Variants in TNRC6B observed in about 807,000 individuals in gnomAD.
TNRC6B encodes the protein trinucleotide repeat containing adaptor 6B, also known as trinucleotide repeat-containing gene 6B protein.
TNRC6B carries 52 observed loss-of-function variants against 203.6 expected under a neutral mutation model. The observed-to-expected ratio is 0.26, with a 90% CI of 0.20 to 0.32. The LOEUF (loss-of-function observed/expected upper bound fraction) is 0.32, where lower values mean the gene tolerates loss of function less well. Among genes scored for constraint, TNRC6B ranks in the 10% least tolerant of loss-of-function variants. TNRC6B has a pLI of 1.00. For synonymous variants in TNRC6B, 838 were observed against 845.7 expected (o/e 0.99, Z 0.16); for missense variants, 1,923 against 2,286.2 (o/e 0.84, Z 3.24).
Position 40,126,779 on chromosome 22 carries a change from C to T in TNRC6B, c.45+917C>T, listed in dbSNP as rs184870182. Among the ~76,000 whole-genome samples, 748 of 150,356 alleles carry T rather than the reference C, an allele frequency of 5.0e-3. 7 individuals carry two copies. The highest frequency in any genetic ancestry group is 0.017 in the Middle Eastern group (5 of 290). On this transcript the variant is annotated intron_variant, in intron 3 of 23. Transcript: ENST00000301923. ...CTAATTTTTGTATTTTTTGTAGAGACGGGGTCTCACTTTGTTGTCCAGGCT... is the reference window on the plus strand; with the variant it reads ...CTAATTTTTGTATTTTTTGTAGAGATGGGGTCTCACTTTGTTGTCCAGGCT...
rs10628401 is a variant in TNRC6B at position 40,182,437 on chromosome 22, G to GCTT, written c.5+4298_5+4300dup. ...TACTCTAATCCCACTTTCCTCACCT[G>GCTT]CTTGTGATTAAGACGGGTGTCAGGG... On this transcript the variant is annotated intron_variant, in intron 1 of 22. Transcript: ENST00000454349. 4.6e-3 allele frequency among the ~76,000 whole-genome samples: 694 copies of GCTT among 152,298 alleles called. 7 individuals are homozygous for GCTT. Among genetic ancestry groups the GCTT allele is most frequent in the African/African-American group, 0.015 (634 of 41,552 alleles).
At chr22:40,160,517 CTTGA>C (rs2068863204) in intron 4 of TNRC6B, among the ~76,000 whole-genome samples, 1 of 150,982 alleles carries the variant, frequency 6.6e-6, no homozygotes, top group Admixed American at 6.6e-5. Context: ...CCCTCACTTC[CTTGA>C]TTACTACAAA....
chr22:40,152,519 G>A (rs902594251), intron 3 of TNRC6B, among the ~76,000 whole-genome samples: 3 of 152,000 alleles, frequency 2.0e-5, no homozygotes, highest in Admixed American at 6.6e-5. Flanking sequence ...TAGTAGAGAC[G>A]GGGTTTCACC....
At position 40,325,320 on chromosome 22, in the gene TNRC6B, A is replaced by G. The variant is rs373174513; in HGVS notation, c.*2079A>G. The G allele has an allele frequency of 2.6e-5, 4 of 152,758 alleles. No homozygotes were observed. Among genetic ancestry groups the G allele is most frequent in the East Asian group, 1.9e-4 (1 of 5,184 alleles). 9.5% of individuals were successfully genotyped at this position (152,758 alleles called of 1,614,324 possible). ...GGTGGGTGGGTGGGTGTGTATAGGAAAAGCCTAAAACAAGTTATTTGCATT... is the reference window on the plus strand; with the variant it reads ...GGTGGGTGGGTGGGTGTGTATAGGAGAAGCCTAAAACAAGTTATTTGCATT... On this transcript the variant is annotated 3_prime_UTR_variant, in exon 23 of 23. Transcript: ENST00000454349.
intron 4 of TNRC6B, among the ~76,000 whole-genome samples, chr22:40,161,766 T>A (rs901679990): frequency 6.6e-6 from 1 of 152,258 alleles, no homozygotes; most frequent in Non-Finnish European, 1.5e-5. Context: ...TTACTATTAG[T>A]CTATCTAATG....
At chr22:40,242,647 C>T (rs371139680) in intron 1 of TNRC6B, among the ~76,000 whole-genome samples, 2 of 151,896 alleles carry the variant, frequency 1.3e-5, no homozygotes, top group East Asian at 3.9e-4. Flanking sequence ...TCAGGCTGGT[C>T]TTGAACTCCT....
intron 3 of TNRC6B, among the ~76,000 whole-genome samples, chr22:40,155,288 G>A (rs2068809801): frequency 1.3e-5 from 2 of 151,782 alleles, no homozygotes; most frequent in East Asian, 3.9e-4. Flanking sequence ...CAAACTTTTT[G>A]TTGTTGTTGT....
At chr22:40,174,603 T>A (rs2069037325), upstream of TNRC6B, among the ~76,000 whole-genome samples, 1 of 152,126 alleles carries the variant, frequency 6.6e-6, no homozygotes, top group Non-Finnish European at 1.5e-5. Flanking sequence ...TTTTTATGGC[T>A]GAGGCCGGCA....
At chr22:40,166,673 G>C (rs949388617) in intron 4 of TNRC6B, among the ~76,000 whole-genome samples, 3 of 152,114 alleles carry the variant, frequency 2.0e-5, no homozygotes, top group African/African-American at 7.2e-5. Flanking sequence ...AAAGTGGGCA[G>C]ATCACGAGGT....
At chr22:40,056,511 A>T (rs11913846) in intron 1 of TNRC6B, among the ~76,000 whole-genome samples, 1,679 of 152,286 alleles carry the variant, frequency 0.011, 28 homozygotes, top group African/African-American at 0.039. Context: ...ATAGAAAATC[A>T]GGCTGGGTGC....
chr22:40,159,942 C>T (rs1407483517), intron 4 of TNRC6B, among the ~76,000 whole-genome samples: 1 of 151,748 alleles, frequency 6.6e-6, no homozygotes, highest in Non-Finnish European at 1.5e-5. Context: ...TTCCTGAGTG[C>T]CTGGGACTAC....
At position 40,264,866 on chromosome 22, in the gene TNRC6B, C is replaced by A; in HGVS notation, c.636C>A (p.Ser212=). 6.2e-7 allele frequency: 1 copy of A among 1,613,854 alleles called. No individual in the cohort carries two copies. The highest frequency in any genetic ancestry group is 8.5e-7 in the Non-Finnish European group (1 of 1,179,880). ...CIASKDTESS[S]ENTTDNNSAS... ...CCAGCAAAGACACTGAATCTTCTTCCGAAAACACCACCGATAACAACAGTG... is the reference window on the plus strand; with the variant it reads ...CCAGCAAAGACACTGAATCTTCTTCAGAAAACACCACCGATAACAACAGTG... The change falls in exon 5 of 23, where the codon TCC becomes TCA. Residue 212 remains serine (S), a synonymous_variant. Transcript: ENST00000454349.
At chr22:40,120,248 C>T (rs2068431541) in intron 2 of TNRC6B, among the ~76,000 whole-genome samples, 1 of 151,210 alleles carries the variant, frequency 6.6e-6, no homozygotes, top group South Asian at 2.1e-4. Flanking sequence ...GTTCCAGCTA[C>T]TTGGGAAGCC....
At chr22:40,225,951 G>A (rs2069779780) in intron 1 of TNRC6B, among the ~76,000 whole-genome samples, 1 of 152,100 alleles carries the variant, frequency 6.6e-6, no homozygotes, top group African/African-American at 2.4e-5. Flanking sequence ...ATCCTGAAGA[G>A]TTAAACACAG....
At chr22:40,212,775 A>T (rs541160541) in intron 1 of TNRC6B, among the ~76,000 whole-genome samples, 1 of 152,096 alleles carries the variant, frequency 6.6e-6, no homozygotes, top group Admixed American at 6.5e-5. Flanking sequence ...CAGCCTTCCG[A>T]GTACCTGGGA....
At chr22:40,054,313 G>A (rs1194469005) in intron 1 of TNRC6B, among the ~76,000 whole-genome samples, 2 of 152,068 alleles carry the variant, frequency 1.3e-5, no homozygotes, top group Non-Finnish European at 2.9e-5. Flanking sequence ...TTCTGCCAGC[G>A]TCCCCTGCCT....
At chr22:40,049,683 A>G (rs2067729229) in intron 1 of TNRC6B, among the ~76,000 whole-genome samples, 1 of 151,998 alleles carries the variant, frequency 6.6e-6, no homozygotes, top group South Asian at 2.1e-4. Context: ...GGCTCGCTGC[A>G]ACTTCTGCCT....
exon 4 of TNRC6B, chr22:40,156,129 T>A: frequency 6.3e-7 from 1 of 1,581,662 alleles, no homozygotes; most frequent in Non-Finnish European, 8.6e-7. Flanking sequence ...AACAGGAGGA[T>A]TTTGTAATGG....
At chr22:40,280,683 A>C (rs561877119) in intron 10 of TNRC6B, among the ~76,000 whole-genome samples, 1 of 152,222 alleles carries the variant, frequency 6.6e-6, no homozygotes, top group Non-Finnish European at 1.5e-5. Flanking sequence ...CAGAATACCA[A>C]TTTGCTGTGT....
Sources: gnomAD v4.1 joint callset for allele counts (sites outside exome capture counted in the v4.1 genomes callset) on GRCh38, gnomAD v4.1.1 for gene constraint, MANE v1.5 for transcripts, NCBI Gene and HGNC (gene_info 2026-07-23, HGNC 2026-07-21) for gene names.